Variants in LHFPL6 observed in about 807,000 individuals in gnomAD.
LHFPL6 encodes the protein LHFPL tetraspan subfamily member 6 protein.
A neutral mutation model predicts 20.6 loss-of-function variants in LHFPL6; 9 were observed. The ratio of observed to expected loss-of-function variants is 0.44; its 90% CI spans 0.26 to 0.76. The LOEUF is 0.76. Ranked by LOEUF, LHFPL6 falls within the 30% of genes least tolerant of loss-of-function variation. The probability of loss-of-function intolerance (pLI) is 0.20; values close to 1 mark genes in which losing one functional copy is unlikely to be tolerated. For missense variants in LHFPL6, 218 were observed against 253.5 expected, an observed-to-expected ratio of 0.86 and a Z score of 0.95; for synonymous variants, 105 against 98.7, an observed-to-expected ratio of 1.06 and a Z score of -0.38.
chr13:39,595,381 C>T (rs968386163), intron 2 of LHFPL6, among the ~76,000 whole-genome samples: 3 of 152,178 alleles, frequency 2.0e-5, no homozygotes, highest in Non-Finnish European at 4.4e-5. Flanking sequence ...CAATCTCAGC[C>T]TCCTGGGTTC....
intron 2 of LHFPL6, among the ~76,000 whole-genome samples, chr13:39,491,394 T>C (rs1029834272): frequency 6.6e-6 from 1 of 152,104 alleles, no homozygotes; most frequent in Non-Finnish European, 1.5e-5. Flanking sequence ...TGCAACTAGC[T>C]GAAGCAGCAG....
At chr13:39,353,641 T>A (rs567136696) in intron 3 of LHFPL6, among the ~76,000 whole-genome samples, 2 of 152,128 alleles carry the variant, frequency 1.3e-5, no homozygotes, top group Admixed American at 6.5e-5. Context: ...GGCAGGAGAA[T>A]CTCTTGAACC....
chr13:39,387,207 T>C (rs1180450427), intron 2 of LHFPL6, among the ~76,000 whole-genome samples: 1 of 152,178 alleles, frequency 6.6e-6, no homozygotes, highest in Non-Finnish European at 1.5e-5. Context: ...CAGAAAAATG[T>C]ATTTTTGTAC....
chr13:39,545,394 A>G (rs1006194955), intron 2 of LHFPL6, among the ~76,000 whole-genome samples: 4 of 152,034 alleles, frequency 2.6e-5, no homozygotes, highest in African/African-American at 9.7e-5. Context: ...AAAATGCATC[A>G]CTTTTACACC....
chr13:39,439,700 TAGTG>T (rs1872060769), intron 2 of LHFPL6, among the ~76,000 whole-genome samples: 1 of 152,134 alleles, frequency 6.6e-6, no homozygotes, highest in Non-Finnish European at 1.5e-5. Context: ...GTTCTCATGA[TAGTG>T]AGTGAGTTCT....
At chr13:39,535,729 A>T (rs948819915) in intron 2 of LHFPL6, among the ~76,000 whole-genome samples, 1 of 152,226 alleles carries the variant, frequency 6.6e-6, no homozygotes, top group Non-Finnish European at 1.5e-5. Context: ...GCTAAATTAA[A>T]GCAAATAAGA....
At chr13:39,408,047 C>T (rs1487589540) in intron 2 of LHFPL6, among the ~76,000 whole-genome samples, 1 of 152,144 alleles carries the variant, frequency 6.6e-6, no homozygotes, top group Non-Finnish European at 1.5e-5. Context: ...TTGTACCTGA[C>T]ATGGTCTAAA....
chr13:39,440,729 G>A (rs577449192), intron 2 of LHFPL6, among the ~76,000 whole-genome samples: 1 of 152,148 alleles, frequency 6.6e-6, no homozygotes, highest in South Asian at 2.1e-4. Context: ...GCCGGATATG[G>A]TTTGGCTGTG....
intron 2 of LHFPL6, among the ~76,000 whole-genome samples, chr13:39,414,799 T>A (rs1871309511): frequency 6.6e-6 from 1 of 152,140 alleles, no homozygotes; most frequent in Non-Finnish European, 1.5e-5. Context: ...GGTTTTTTCC[T>A]ATGCCTGTTG....
chr13:39,467,002 T>A (rs1006346016), intron 2 of LHFPL6, among the ~76,000 whole-genome samples: 2 of 152,228 alleles, frequency 1.3e-5, no homozygotes, highest in Non-Finnish European at 2.9e-5. Flanking sequence ...GATAAAGTGA[T>A]AAAACACATG....
chr13:39,431,765 A>C (rs1416153527), intron 2 of LHFPL6, among the ~76,000 whole-genome samples: 1 of 150,732 alleles, frequency 6.6e-6, no homozygotes, highest in East Asian at 1.9e-4. Context: ...TTGTCAGCAA[A>C]CCTGTTTGTT....
rs1275330010 is a variant in LHFPL6 at position 39,600,826 on chromosome 13, A to G, written c.385+6T>C. On this transcript the variant is annotated splice_donor_region_variant and intron_variant, in intron 2 of 3. Coordinates refer to ENST00000379589, the MANE Select transcript of LHFPL6 (RefSeq NM_005780.3). The stretch of plus-strand genomic sequence containing the variant: ...GTAAACAACTCAAGCTCAGCAAGTC[A>G]CTTACCCCCAAGAAACTGAATTCCT... 6.8e-6 allele frequency: 10 copies of G among 1,481,078 alleles called. No individual in the cohort carries two copies. Among genetic ancestry groups the G allele is most frequent in the Non-Finnish European group, 9.0e-6 (10 of 1,112,112 alleles). 91.7% of individuals were successfully genotyped at this position (1,481,078 alleles called of 1,614,324 possible).
intron 2 of LHFPL6, among the ~76,000 whole-genome samples, chr13:39,396,019 A>C (rs1296735991): frequency 3.3e-5 from 5 of 152,242 alleles, no homozygotes; most frequent in Non-Finnish European, 7.3e-5. Context: ...GCTGCCTGCT[A>C]TGAAGGCATA....
intron 2 of LHFPL6, among the ~76,000 whole-genome samples, chr13:39,440,457 G>C (rs73460981): frequency 0.027 from 4,102 of 152,202 alleles, 167 homozygotes; most frequent in African/African-American, 0.091. Flanking sequence ...AGTGAGATAC[G>C]AGTCTTTATA....
intron 2 of LHFPL6, among the ~76,000 whole-genome samples, chr13:39,444,041 T>C (rs1396751832): frequency 6.6e-6 from 1 of 152,096 alleles, no homozygotes; most frequent in East Asian, 1.9e-4. Flanking sequence ...TCAAGGAGCA[T>C]TGGAAAGTGG....
chr13:39,557,290 T>C (rs1871335679), intron 2 of LHFPL6, among the ~76,000 whole-genome samples: 1 of 152,188 alleles, frequency 6.6e-6, no homozygotes, highest in South Asian at 2.1e-4. Flanking sequence ...GACACCACTT[T>C]AGACGGGGCG....
chr13:39,586,787 T>C (rs939152488), intron 2 of LHFPL6, among the ~76,000 whole-genome samples: 2 of 152,230 alleles, frequency 1.3e-5, no homozygotes, highest in African/African-American at 2.4e-5. Flanking sequence ...CAATCCTCAC[T>C]GCTACTAGAC....
chr13:39,534,949 A>AT (rs1870570880), intron 2 of LHFPL6, among the ~76,000 whole-genome samples: 1 of 152,158 alleles, frequency 6.6e-6, no homozygotes, highest in Non-Finnish European at 1.5e-5. Flanking sequence ...ACTGCTTTGG[A>AT]GGCTAGAAGT....
chr13:39,444,653 A>T (rs1872237613), intron 2 of LHFPL6, among the ~76,000 whole-genome samples: 1 of 152,192 alleles, frequency 6.6e-6, no homozygotes, highest in Non-Finnish European at 1.5e-5. Context: ...CACAGGGTAC[A>T]AGCTATAAAT....
Sources: gnomAD v4.1 joint callset for allele counts (sites outside exome capture counted in the v4.1 genomes callset) on GRCh38, gnomAD v4.1.1 for gene constraint, MANE v1.5 for transcripts, NCBI Gene and HGNC (gene_info 2026-07-23, HGNC 2026-07-21) for gene names.